Variants in SEPTIN10 observed in about 807,000 individuals in gnomAD.
SEPTIN10 encodes septin 10.
A neutral mutation model predicts 54.8 loss-of-function variants in SEPTIN10; 66 were observed. The ratio of observed to expected loss-of-function variants is 1.21; its 90% CI spans 0.99 to 1.48. The LOEUF is 1.48. Among genes scored for constraint, SEPTIN10 ranks in the 40% most tolerant of loss-of-function variants. The pLI is 0.00. For synonymous variants in SEPTIN10, 161 were observed against 181.0 expected, an observed-to-expected ratio of 0.89 and a Z score of 0.89; for missense variants, 620 against 545.6, an observed-to-expected ratio of 1.14 and a Z score of -1.36.
intron 1 of SEPTIN10, among the ~76,000 whole-genome samples, chr2:109,609,412 C>T (rs953884296): frequency 1.3e-5 from 2 of 151,892 alleles, no homozygotes; most frequent in African/African-American, 4.8e-5. Context: ...TTACTTGATG[C>T]AAAAGGTTAA....
At chr2:109,590,892 C>T (rs1352155635) in intron 2 of SEPTIN10, among the ~76,000 whole-genome samples, 1 of 152,136 alleles carries the variant, frequency 6.6e-6, no homozygotes, top group Admixed American at 6.5e-5. Context: ...TGCCAACAAC[C>T]AGAAAGAGTA....
At chr2:109,588,850 T>TAAAAAAA (rs59135205) in intron 2 of SEPTIN10, among the ~76,000 whole-genome samples, 5 of 111,442 alleles carry the variant, frequency 4.5e-5, no homozygotes, top group Admixed American at 9.7e-5. Flanking sequence ...CAATTACTAT[T>TAAAAAAA]AAAAAAAAAA....
chr2:109,590,058 A>G (rs1693610137), intron 2 of SEPTIN10, among the ~76,000 whole-genome samples: 1 of 146,896 alleles, frequency 6.8e-6, no homozygotes, highest in Non-Finnish European at 1.5e-5. Context: ...ATGTGTGTGT[A>G]TATATATACA....
At chr2:109,559,998 G>A (rs1573469881) in intron 8 of SEPTIN10, among the ~76,000 whole-genome samples, 1 of 136,284 alleles carries the variant, frequency 7.3e-6, no homozygotes, top group South Asian at 2.5e-4. Context: ...TTGGCTCACC[G>A]CAAGCTCTGC....
chr2:109,574,211 GGAAA>G (rs1266806175), intron 5 of SEPTIN10, among the ~76,000 whole-genome samples: 1 of 151,806 alleles, frequency 6.6e-6, no homozygotes, highest in Admixed American at 6.6e-5. Context: ...GACCAAGGAA[GGAAA>G]ATCACTTAAG....
At chr2:109,593,859 C>G (rs964392038) in intron 1 of SEPTIN10, among the ~76,000 whole-genome samples, 11 of 152,162 alleles carry the variant, frequency 7.2e-5, no homozygotes, top group African/African-American at 2.7e-4. Flanking sequence ...GTACCTTAGT[C>G]ACTAAAATAA....
chr2:109,574,850 A>G (rs1405772547), intron 4 of SEPTIN10, 83 bp from the exon 5 acceptor site: 14 of 924,816 alleles, frequency 1.5e-5, no homozygotes, highest in South Asian at 2.6e-5. Flanking sequence ...TTTGAGGTCT[A>G]TATTTTCACT....
intron 2 of SEPTIN10, among the ~76,000 whole-genome samples, chr2:109,592,778 TAA>T (rs1191574020): frequency 3.0e-5 from 4 of 132,530 alleles, no homozygotes; most frequent in African/African-American, 2.8e-5. Flanking sequence ...AGACTCTGTC[TAA>T]AAAAAAAAAA....
At chr2:109,600,250 T>A (rs1696323733) in intron 1 of SEPTIN10, among the ~76,000 whole-genome samples, 1 of 152,050 alleles carries the variant, frequency 6.6e-6, no homozygotes, top group Non-Finnish European at 1.5e-5. Flanking sequence ...GCCTGAAGGC[T>A]TTCTCCCCAG....
chr2:109,546,552 T>C (rs1165657246), intron 9 of SEPTIN10, among the ~76,000 whole-genome samples: 1 of 151,844 alleles, frequency 6.6e-6, no homozygotes, highest in Non-Finnish European at 1.5e-5. Context: ...TCTTAAAGTC[T>C]CTCAAGTCCA....
chr2:109,585,126 C>A lies in SEPTIN10; in HGVS notation c.413G>T (p.Ser138Ile). The A allele has an allele frequency of 1.3e-6, 2 of 1,550,608 alleles. No homozygotes were observed. The highest frequency in any genetic ancestry group is 1.2e-5 in the South Asian group (1 of 80,146). Residue 138 changes from serine to isoleucine, a missense_variant and splice_region_variant, in exon 4 of 11, where the codon AGC (serine) becomes ATC (isoleucine). Physicochemically the swap from Ser to Ile is moderately radical, Grantham distance 142. Transcript: ENST00000397712. Reference protein sequence around the residue: ...GFGDQINKEESYQPIVDYIDA... With the variant: ...GFGDQINKEEIYQPIVDYIDA... ...TTTATTACAAGAAGAAAACACATACCTCTCTTCTTTATTTATTTGGTCACC... is the reference window on the plus strand; with the variant it reads ...TTTATTACAAGAAGAAAACACATACATCTCTTCTTTATTTATTTGGTCACC...
intron 2 of SEPTIN10, among the ~76,000 whole-genome samples, chr2:109,591,096 T>C (rs1693961880): frequency 6.6e-6 from 1 of 152,226 alleles, no homozygotes; most frequent in African/African-American, 2.4e-5. Context: ...TATATTCTCT[T>C]TTGTGCCATT....
rs565112782 is a variant in SEPTIN10, at chr2:109,601,714, C to T, written c.31-8595G>A. On this transcript the variant is annotated intron_variant, in intron 1 of 10. Transcript: ENST00000397712. Reference sequence around the variant, plus strand: ...ACTAAACTATAAATCTTTTTCTTTACGGCTTCTTCCTTAAATATAAAGCTC... The same window carrying T: ...ACTAAACTATAAATCTTTTTCTTTATGGCTTCTTCCTTAAATATAAAGCTC... Among the ~76,000 whole-genome samples, 8 of 151,656 alleles carry T rather than the reference C, an allele frequency of 5.3e-5. No homozygotes were observed. The South Asian group carries it at 1.0e-3, about 20-fold the overall frequency.
chr2:109,609,437 A>G (rs909671606), intron 1 of SEPTIN10, among the ~76,000 whole-genome samples: 3 of 152,134 alleles, frequency 2.0e-5, no homozygotes, highest in Non-Finnish European at 4.4e-5. Flanking sequence ...ACAAAAACAT[A>G]AATTAGGAGG....
intron 9 of SEPTIN10, among the ~76,000 whole-genome samples, chr2:109,546,889 G>A (rs966870203): frequency 1.3e-5 from 2 of 152,096 alleles, no homozygotes; most frequent in Non-Finnish European, 2.9e-5. Flanking sequence ...TAAAGATAAA[G>A]AATAAATTAA....
intron 6 of SEPTIN10, among the ~76,000 whole-genome samples, chr2:109,567,572 A>G: frequency 6.6e-6 from 1 of 152,322 alleles, no homozygotes; most frequent in East Asian, 1.9e-4. Context: ...CAGTCTCACA[A>G]ATCTATCACT....
rs1698949572 is a variant in SEPTIN10, at chr2:109,610,181, C to G, written c.30+3617G>C. ...TCAGCTTACTGCAACCTCCACCTCTCAGGTTCAAGTGATCCTCCTGCCTCA... is the reference window on the plus strand; with the variant it reads ...TCAGCTTACTGCAACCTCCACCTCTGAGGTTCAAGTGATCCTCCTGCCTCA... On this transcript the variant is annotated intron_variant, in intron 1 of 10. Coordinates refer to ENST00000397712, the MANE Select transcript of SEPTIN10 (RefSeq NM_144710.5). Among the ~76,000 whole-genome samples, 2 of 151,894 alleles carry G rather than the reference C, an allele frequency of 1.3e-5. 1 individual carries two copies. Among genetic ancestry groups the G allele is most frequent in the South Asian group, 4.2e-4 (2 of 4,816 alleles).
chr2:109,574,443 TAAAAAAAAAAAAAA>T (rs55980206), intron 5 of SEPTIN10, 124 bp downstream of exon 5: 2 of 271,402 alleles, frequency 7.4e-6, no homozygotes, highest in Non-Finnish European at 5.7e-6. Context: ...ACTTTATCTC[TAAAAAAAAAAAAAA>T]AAAAAAAAAT....
chr2:109,573,691 G>A lies in SEPTIN10; in HGVS notation c.600+890C>T, dbSNP rs1049048176. ...ACCAGGATCATGAAAGCTTCATTTC[G>A]CATACCATTTGAGATTATGGAAAAT... is the stretch of plus-strand genomic sequence containing the variant. On this transcript the variant is annotated intron_variant, in intron 5 of 10. Coordinates refer to ENST00000397712, the MANE Select transcript of SEPTIN10 (RefSeq NM_144710.5). Among the ~76,000 whole-genome samples the A allele has an allele frequency of 2.6e-5, 4 of 152,270 alleles. No homozygotes were observed. In the South Asian group the frequency reaches 8.3e-4, roughly 32 times the overall value.
Sources: allele counts gnomAD v4.1 joint callset (sites outside exome capture counted in the v4.1 genomes callset), GRCh38; gene constraint gnomAD v4.1.1; transcripts MANE v1.5; gene names NCBI Gene and HGNC (gene_info 2026-07-23, HGNC 2026-07-21).